The following BABAM2 variants were observed in gnomAD, a reference collection of about 807,000 sequenced individuals.
BABAM2 encodes BRISC and BRCA1 A complex member 2.
Under a neutral mutation model 54.7 loss-of-function variants are expected in BABAM2, and 31 were observed. That is an observed-to-expected ratio of 0.57 (90% confidence interval 0.43 to 0.77). The LOEUF is 0.77. Ranked by LOEUF, BABAM2 falls within the 30% of genes least tolerant of loss-of-function variation. BABAM2 has a pLI of 0.00. For missense variants in BABAM2, 364 were observed against 455.8 expected, an observed-to-expected ratio of 0.80 and a Z score of 1.83; for synonymous variants, 167 against 162.9, an observed-to-expected ratio of 1.03 and a Z score of -0.19.
chr2:28,243,557 A>G lies in BABAM2; in HGVS notation c.852-1223A>G, dbSNP rs369141789. 3.8e-4 allele frequency among the ~76,000 whole-genome samples: 57 copies of G among 151,952 alleles called. 1 individual carries two copies. The highest frequency in any genetic ancestry group is 1.4e-3 in the African/African-American group (56 of 41,402). On this transcript the variant is annotated intron_variant, in intron 9 of 11. Transcript: ENST00000379624. ...AAAAAAATTTAAAAATTAAAAAAAAATTAGCCGGGCATAGTGGCAGGTGCC... is the reference window on the plus strand; with the variant it reads ...AAAAAAATTTAAAAATTAAAAAAAAGTTAGCCGGGCATAGTGGCAGGTGCC...
At chr2:28,121,887 T>C (rs1172710556) in intron 6 of BABAM2, among the ~76,000 whole-genome samples, 1 of 152,096 alleles carries the variant, frequency 6.6e-6, no homozygotes, top group African/African-American at 2.4e-5. Context: ...TAAAATAGGA[T>C]TCTGTTTTGC....
intron 4 of BABAM2, among the ~76,000 whole-genome samples, chr2:27,990,414 C>G (rs1672699762): frequency 6.6e-6 from 1 of 152,154 alleles, no homozygotes; most frequent in Non-Finnish European, 1.5e-5. Flanking sequence ...AGACATTTTT[C>G]CCCTTCCTGT....
chr2:28,073,922 G>A (rs1373297115), intron 6 of BABAM2, among the ~76,000 whole-genome samples: 3 of 152,032 alleles, frequency 2.0e-5, no homozygotes, highest in Non-Finnish European at 4.4e-5. Flanking sequence ...AAAGTCTTAT[G>A]AGTAGTATTC....
intron 4 of BABAM2, among the ~76,000 whole-genome samples, chr2:28,002,545 A>G (rs1372969329): frequency 2.0e-5 from 3 of 152,146 alleles, no homozygotes; most frequent in Non-Finnish European, 2.9e-5. Flanking sequence ...ATATTAATCA[A>G]TGTAATTACT....
chr2:27,921,230 A>G (rs2148330862), intron 2 of BABAM2, among the ~76,000 whole-genome samples: 1 of 152,218 alleles, frequency 6.6e-6, no homozygotes, highest in East Asian at 1.9e-4. Flanking sequence ...TGTAGCCTTG[A>G]TTTATGTGTT....
intron 10 of BABAM2, 141 bp from the exon 11 acceptor site, chr2:28,298,196 AC>A (rs2148241630): frequency 1.2e-6 from 1 of 866,672 alleles, no homozygotes; most frequent in East Asian, 2.4e-5. Flanking sequence ...GCCTCTCTAT[AC>A]ACCACACCTT....
At position 28,324,827 on chromosome 2, in the gene BABAM2, C is replaced by A. The variant is rs566569645; in HGVS notation, c.1089-13623C>A. ...TCTCAAGAAAGAAAAGAAAAGAAAACTTACTTTCCATCTCTGATCGTAGAT... is the reference window on the plus strand; with the variant it reads ...TCTCAAGAAAGAAAAGAAAAGAAAAATTACTTTCCATCTCTGATCGTAGAT... On this transcript the variant is annotated intron_variant, in intron 11 of 11. Coordinates refer to ENST00000379624, the MANE Select transcript of BABAM2 (RefSeq NM_199191.3). Among the ~76,000 whole-genome samples the A allele has an allele frequency of 3.9e-5, 6 of 152,174 alleles. No individual in the cohort carries two copies. The East Asian group carries it at 9.7e-4, about 25-fold the overall frequency.
intron 10 of BABAM2, among the ~76,000 whole-genome samples, chr2:28,282,859 C>A (rs1245310621): frequency 6.6e-6 from 1 of 151,708 alleles, no homozygotes; most frequent in Non-Finnish European, 1.5e-5. Context: ...ATTAGCTGGG[C>A]ATGGTGGTGG....
intron 10 of BABAM2, among the ~76,000 whole-genome samples, chr2:28,264,504 A>G (rs1305745211): frequency 6.6e-6 from 1 of 152,240 alleles, no homozygotes; most frequent in Non-Finnish European, 1.5e-5. Flanking sequence ...TTGAGACCTC[A>G]GAAATGAATT....
intron 11 of BABAM2, chr2:28,327,207 C>T (rs1206393777): frequency 6.6e-7 from 1 of 1,524,752 alleles, no homozygotes. Flanking sequence ...TTAGGACTAC[C>T]CTGTCCCTCC....
At chr2:28,267,141 A>C (rs1259205461) in intron 10 of BABAM2, among the ~76,000 whole-genome samples, 1 of 152,152 alleles carries the variant, frequency 6.6e-6, no homozygotes, top group Non-Finnish European at 1.5e-5. Context: ...GGGTGACAAG[A>C]GTGAAACTCT....
At chr2:28,309,869 C>A in intron 11 of BABAM2, 1 of 548,672 alleles carries the variant, frequency 1.8e-6, no homozygotes, top group Non-Finnish European at 3.3e-6. Flanking sequence ...AAAGTCAGTG[C>A]TGGTGAGCGA....
chr2:28,142,120 T>C (rs1219425129), intron 7 of BABAM2, among the ~76,000 whole-genome samples: 1 of 152,162 alleles, frequency 6.6e-6, no homozygotes, highest in East Asian at 1.9e-4. Flanking sequence ...GAAGTTTTAT[T>C]AAAGAGCATA....
chr2:28,294,977 T>C (rs1373878922), intron 10 of BABAM2, among the ~76,000 whole-genome samples: 1 of 152,192 alleles, frequency 6.6e-6, no homozygotes, highest in Non-Finnish European at 1.5e-5. Flanking sequence ...TAATCAATGC[T>C]TTTTGGGGAC....
chr2:28,201,436 G>A (rs1040673089), intron 7 of BABAM2, among the ~76,000 whole-genome samples: 7 of 152,014 alleles, frequency 4.6e-5, no homozygotes, highest in African/African-American at 1.4e-4. Flanking sequence ...ATCTTCAAGT[G>A]GGATGCCAAG....
At chr2:27,951,587 A>C (rs1669723025) in intron 3 of BABAM2, among the ~76,000 whole-genome samples, 1 of 152,058 alleles carries the variant, frequency 6.6e-6, no homozygotes, top group African/African-American at 2.4e-5. Flanking sequence ...AATGTGTTCT[A>C]TTTTTCTTTG....
chr2:28,218,702 G>A (rs534276405), intron 7 of BABAM2, among the ~76,000 whole-genome samples: 4 of 152,074 alleles, frequency 2.6e-5, no homozygotes, highest in Non-Finnish European at 5.9e-5. Flanking sequence ...TAAGAACTCC[G>A]TGGAGTGATG....
intron 4 of BABAM2, among the ~76,000 whole-genome samples, chr2:27,994,169 G>A (rs937140286): frequency 5.9e-5 from 9 of 152,206 alleles, no homozygotes; most frequent in Admixed American, 5.9e-4. Context: ...ATAGCACAGG[G>A]TGACAAGTGT....
chr2:27,922,426 G>A (rs1341807054), intron 2 of BABAM2, among the ~76,000 whole-genome samples: 4 of 152,094 alleles, frequency 2.6e-5, no homozygotes, highest in South Asian at 4.1e-4. Flanking sequence ...AGGTTCTTAC[G>A]CTCAGCATTT....
Sources: allele counts gnomAD v4.1 joint callset (sites outside exome capture counted in the v4.1 genomes callset), GRCh38; gene constraint gnomAD v4.1.1; transcripts MANE v1.5; gene names NCBI Gene and HGNC (gene_info 2026-07-23, HGNC 2026-07-21).